ATP6V0B: variants seen among roughly 807,000 people sequenced by gnomAD.
ATP6V0B encodes the protein V-type proton ATPase 21 kDa proteolipid subunit c''.
In ATP6V0B, 4 loss-of-function variants were observed where a neutral mutation model predicts 26.2. That is an observed-to-expected ratio of 0.15 (90% CI 0.08 to 0.35). ATP6V0B has a LOEUF of 0.35. Ranked by LOEUF, ATP6V0B falls within the 10% of genes least tolerant of loss-of-function variation. The pLI is 1.00. For missense variants in ATP6V0B, 175 were observed against 272.5 expected (o/e 0.64, Z 2.52); for synonymous variants, 110 against 105.8 (o/e 1.04, Z -0.24).
Position 43,977,109 on chromosome 1 carries a change from GC to G in ATP6V0B, c.485del (p.Ala162ValfsTer13). 1 of 1,614,232 alleles carries G rather than the reference GC, an allele frequency of 6.2e-7. No homozygotes were observed. The highest frequency in any genetic ancestry group is 8.5e-7 in the Non-Finnish European group (1 of 1,180,042). On this transcript the variant is annotated frameshift_variant, in exon 7 of 8. Coordinates refer to ENST00000472174, the MANE Select transcript of ATP6V0B (RefSeq NM_004047.5). LOFTEE classifies it high-confidence loss of function. ...GVCVGIVGSG[A>X]ALADAQNPSL... ...CTGCGTGGGCATCGTGGGCAGTGGG[GC>G]TGCCCTGGCCGATGCTCAGAACCCC... is the stretch of plus-strand genomic sequence containing the variant.
At position 43,976,730 on chromosome 1, in the gene ATP6V0B, G is replaced by T. The variant is rs767136073; in HGVS notation, c.349-43G>T. Reference sequence around the variant, plus strand: ...TACACATTCCTTAGAGATTGGATGGGGTGCATCAGGATGGTTTCTGATTAC... The same window carrying T: ...TACACATTCCTTAGAGATTGGATGGTGTGCATCAGGATGGTTTCTGATTAC... On this transcript the variant is annotated intron_variant, in intron 5 of 7. Coordinates refer to ENST00000472174, the MANE Select transcript of ATP6V0B (RefSeq NM_004047.5). This position sits in a 1 kb window ranked among gnomAD's most constrained non-coding sequence, Gnocchi z 4.6. 1 of 1,613,706 alleles carries T rather than the reference G, an allele frequency of 6.2e-7. No homozygotes were observed. The highest frequency in any genetic ancestry group is 1.7e-5 in the Admixed American group (1 of 60,026).
chr1:43,977,641 AC>A (rs1198562368), intron 7 of ATP6V0B: 2 of 1,420,518 alleles, frequency 1.4e-6, no homozygotes, highest in African/African-American at 2.9e-5. Flanking sequence ...TCAGTAGGAC[AC>A]CATTGTCTAA....
In ATP6V0B at chr1:43,976,002, TG is replaced by T. The variant is rs1482929189; in HGVS notation, c.117-84del. Reference sequence around the variant, plus strand: ...CAGTTGTTGCCTGTAGAACTGGTGGTGGGGTTGAAGGGGGTTTGAGGGGTTA... The same window carrying T: ...CAGTTGTTGCCTGTAGAACTGGTGGTGGGTTGAAGGGGGTTTGAGGGGTTA... On this transcript the variant is annotated intron_variant, in intron 2 of 7. Transcript: ENST00000472174. This position sits in a 1 kb window ranked among gnomAD's most constrained non-coding sequence, Gnocchi z 4.6. 2 of 1,531,294 alleles carry T rather than the reference TG, an allele frequency of 1.3e-6. No individual in the cohort carries two copies. The highest frequency in any genetic ancestry group is 2.7e-5 in the African/African-American group (2 of 72,996). The allele number at this position is 1,531,294 out of a possible 1,614,324, so 94.9% of individuals were successfully genotyped here.
At position 43,976,158 on chromosome 1, in the gene ATP6V0B, T is replaced by C. The variant is rs1237736011; in HGVS notation, c.185T>C (p.Val62Ala). 2 of 1,613,870 alleles carry C rather than the reference T, an allele frequency of 1.2e-6. No homozygotes were observed. Among genetic ancestry groups the C allele is most frequent in the South Asian group, 2.2e-5 (2 of 91,074 alleles). The change falls in exon 3 of 8, where the codon GTG becomes GCG. Residue 62 changes from valine (V) to alanine (A), a missense_variant. Val to Ala is a moderately conservative substitution (Grantham distance 64, BLOSUM62 0). Coordinates refer to ENST00000472174, the MANE Select transcript of ATP6V0B (RefSeq NM_004047.5). The surrounding 1 kb of genome is among the most constrained non-coding windows in gnomAD (Gnocchi z 4.6). ...LGIGLAISLS[V>A]VGAAWGIYIT... The stretch of plus-strand genomic sequence containing the variant: ...ATTGGCCTAGCTATCTCCCTGTCTG[T>C]GGTTGGGGCAGCCTGGTGAGTATTG...
Position 43,978,259 on chromosome 1 carries a change from A to G in ATP6V0B, c.*252A>G. On this transcript the variant is annotated 3_prime_UTR_variant, in exon 8 of 8. Coordinates refer to ENST00000472174, the MANE Select transcript of ATP6V0B (RefSeq NM_004047.5). ...ACCTCCACCCTCAACCCATCTTCCT[A>G]GTGTTTGTGAAATAAACTTGGTATT... The G allele has an allele frequency of 1.7e-6, 1 of 587,230 alleles. No individual in the cohort carries two copies. The allele number at this position is 587,230 out of a possible 1,614,324, so 36.4% of individuals were successfully genotyped here.
At position 43,978,182 on chromosome 1, in the gene ATP6V0B, G is replaced by T; in HGVS notation, c.*175G>T. On this transcript the variant is annotated 3_prime_UTR_variant, in exon 8 of 8. Transcript: ENST00000472174. ...GCAGTCCAGGCCGAGTCCTCAGTGCGGGGAGCAGGCTGCTGCTGCTGACTC... is the reference window on the plus strand; with the variant it reads ...GCAGTCCAGGCCGAGTCCTCAGTGCTGGGAGCAGGCTGCTGCTGCTGACTC... The T allele has an allele frequency of 3.4e-6, 3 of 890,496 alleles. No individual in the cohort carries two copies. Among genetic ancestry groups the T allele is most frequent in the Non-Finnish European group, 5.4e-6 (3 of 560,396 alleles). 55.2% of individuals were successfully genotyped at this position (890,496 alleles called of 1,614,324 possible). A position where few individuals can be genotyped will look rare whatever the true frequency, so the allele number is the denominator to read the frequency against.
rs1481561813 is a variant in ATP6V0B, at chr1:43,977,115, C to T, written c.490C>T (p.Leu164=). ...GGGCATCGTGGGCAGTGGGGCTGCC[C>T]TGGCCGATGCTCAGAACCCCAGCCT... ...CVGIVGSGAA[L]ADAQNPSLFV... The change falls in exon 7 of 8, where the codon CTG becomes TTG. Residue 164 remains leucine (L), a synonymous_variant. Transcript: ENST00000472174. 19 of 1,614,146 alleles carry T rather than the reference C, an allele frequency of 1.2e-5. No homozygotes were observed. The highest frequency in any genetic ancestry group is 1.6e-5 in the Non-Finnish European group (19 of 1,180,058).
Position 43,975,120 on chromosome 1 carries a change from C to G in ATP6V0B, c.67+13C>G. The stretch of plus-strand genomic sequence containing the variant: ...GCGCTGGCCGTGGGTGAGGCCGGGT[C>G]CTGGCGGGCGGGAGCAGCATCGCGG... On this transcript the variant is annotated intron_variant, in intron 1 of 7. Transcript: ENST00000472174. The G allele has an allele frequency of 1.4e-6, 2 of 1,412,370 alleles. No individual in the cohort carries two copies. The highest frequency in any genetic ancestry group is 3.0e-5 in the South Asian group (2 of 65,828). 87.5% of individuals were successfully genotyped at this position (1,412,370 alleles called of 1,614,324 possible).
chr1:43,977,228 C>T lies in ATP6V0B; in HGVS notation c.591+12C>T. On this transcript the variant is annotated intron_variant, in intron 7 of 7. Coordinates refer to ENST00000472174, the MANE Select transcript of ATP6V0B (RefSeq NM_004047.5). Reference sequence around the variant, plus strand: ...TCGCAATTCTTCAGGTGATGAATCCCCTTGGGAAGCCTCTGTGTCCTTGTC... The same window carrying T: ...TCGCAATTCTTCAGGTGATGAATCCTCTTGGGAAGCCTCTGTGTCCTTGTC... 1 of 1,614,200 alleles carries T rather than the reference C, an allele frequency of 6.2e-7. No homozygotes were observed.
At chr1:43,977,454 C>G in intron 7 of ATP6V0B, 1 of 1,438,758 alleles carries the variant, frequency 7.0e-7, no homozygotes, top group Non-Finnish European at 9.1e-7. Context: ...TGCGTTGTAT[C>G]TGTATAGCAC....
chr1:43,978,013 AT>A lies in ATP6V0B; in HGVS notation c.*7del. ...GAGTGAAGATGGGTGACTAGATGAT[AT>A]GTGTGGGTGGGGCCGTGCCTCACTT... On this transcript the variant is annotated 3_prime_UTR_variant, in exon 8 of 8. Coordinates refer to ENST00000472174, the MANE Select transcript of ATP6V0B (RefSeq NM_004047.5). 1 of 1,614,112 alleles carries A rather than the reference AT, an allele frequency of 6.2e-7. No individual in the cohort carries two copies. The highest frequency in any genetic ancestry group is 8.5e-7 in the Non-Finnish European group (1 of 1,180,026).
At position 43,977,161 on chromosome 1, in the gene ATP6V0B, T is replaced by C; in HGVS notation, c.536T>C (p.Val179Ala). The C allele has an allele frequency of 6.2e-7, 1 of 1,614,270 alleles. No homozygotes were observed. The highest frequency in any genetic ancestry group is 8.5e-7 in the Non-Finnish European group (1 of 1,180,042). ...AGCCTCTTTGTAAAGATTCTCATCG[T>C]GGAGATCTTTGGCAGCGCCATTGGC... Reference protein sequence around the residue: ...NPSLFVKILIVEIFGSAIGLF... With the variant: ...NPSLFVKILIAEIFGSAIGLF... The change falls in exon 7 of 8, where the codon GTG (valine) becomes GCG (alanine). Residue 179 changes from valine to alanine, a missense_variant. Val to Ala is a moderately conservative substitution (Grantham distance 64, BLOSUM62 0). This residue lies in a region of ATP6V0B where 97 missense variants were observed against 158.0 expected (regional missense o/e 0.61). Coordinates refer to ENST00000472174, the MANE Select transcript of ATP6V0B (RefSeq NM_004047.5).
intron 7 of ATP6V0B, 67 bp from the exon 8 acceptor site, chr1:43,977,914 C>T: frequency 6.2e-7 from 1 of 1,614,144 alleles, no homozygotes. Context: ...ATGTCATCTT[C>T]TATCATTTGT....
In ATP6V0B at chr1:43,976,698, T is replaced by A. The variant is rs1208773533; in HGVS notation, c.348+39T>A. ...GGGTGGTGGCGGGAATCCATTCCAGTGTGTTCTACACATTCCTTAGAGATT... is the reference window on the plus strand; with the variant it reads ...GGGTGGTGGCGGGAATCCATTCCAGAGTGTTCTACACATTCCTTAGAGATT... On this transcript the variant is annotated intron_variant, in intron 5 of 7. Coordinates refer to ENST00000472174, the MANE Select transcript of ATP6V0B (RefSeq NM_004047.5). The surrounding 1 kb of genome is among the most constrained non-coding windows in gnomAD (Gnocchi z 4.6). The A allele has an allele frequency of 3.7e-6, 6 of 1,613,628 alleles. No homozygotes were observed. The highest frequency in any genetic ancestry group is 5.1e-6 in the Non-Finnish European group (6 of 1,179,526).
intron 7 of ATP6V0B, 188 bp from the exon 8 acceptor site, chr1:43,977,793 C>T (rs1231848293): frequency 2.0e-6 from 3 of 1,530,286 alleles, no homozygotes; most frequent in African/African-American, 2.7e-5. Context: ...CTCCGTCTGT[C>T]CCACAGCGTA....
chr1:43,975,853 G>A lies in ATP6V0B; in HGVS notation c.116+5G>A, dbSNP rs1206319282. On this transcript the variant is annotated splice_donor_5th_base_variant and intron_variant, in intron 2 of 7. Coordinates refer to ENST00000472174, the MANE Select transcript of ATP6V0B (RefSeq NM_004047.5). The stretch of plus-strand genomic sequence containing the variant: ...CTTCCGCTTTGATGTGGCATGGTAA[G>A]GGAGGGCAGGGGGAGGATTCCCCTT... 3 of 1,593,808 alleles carry A rather than the reference G, an allele frequency of 1.9e-6. No individual in the cohort carries two copies. The highest frequency in any genetic ancestry group is 2.6e-6 in the Non-Finnish European group (3 of 1,168,490).
At chr1:43,977,635 T>G in intron 7 of ATP6V0B, 1 of 1,420,912 alleles carries the variant, frequency 7.0e-7, no homozygotes, top group Non-Finnish European at 9.1e-7. Flanking sequence ...TGCCTGTCAG[T>G]AGGACACCAT....
chr1:43,977,306 A>C, intron 7 of ATP6V0B, 90 bp downstream of exon 7: 1 of 1,609,308 alleles, frequency 6.2e-7, no homozygotes. Context: ...CTCCTTCTCT[A>C]CCTATAACTA....
chr1:43,976,552 C>G lies in ATP6V0B; in HGVS notation c.279-38C>G. 1 of 1,608,582 alleles carries G rather than the reference C, an allele frequency of 6.2e-7. No homozygotes were observed. The highest frequency in any genetic ancestry group is 2.2e-5 in the East Asian group (1 of 44,832). The stretch of plus-strand genomic sequence containing the variant: ...GACGGTTTCTTTCTCATTTCTTTCT[C>G]CTTTCCACTCCTTACCCCTAATCTC... On this transcript the variant is annotated intron_variant, in intron 4 of 7. Coordinates refer to ENST00000472174, the MANE Select transcript of ATP6V0B (RefSeq NM_004047.5). The surrounding 1 kb of genome is among the most constrained non-coding windows in gnomAD (Gnocchi z 4.6).
Sources: gnomAD v4.1 joint callset for allele counts on GRCh38, gnomAD v4.1.1 for gene constraint, gnomAD v4.1.1 regional missense constraint, Gnocchi (gnomAD v3.1) non-coding constraint, MANE v1.5 for transcripts, NCBI Gene and HGNC (gene_info 2026-07-23, HGNC 2026-07-21) for gene names.